DMD: variants seen among roughly 807,000 people sequenced by gnomAD.
DMD encodes the protein dystrophin, also known as mutant dystrophin.
In DMD, 63 loss-of-function variants were observed where a neutral mutation model predicts 330.1. The ratio of observed to expected loss-of-function variants is 0.19; its 90% CI spans 0.16 to 0.24. DMD has a LOEUF of 0.24. DMD is among the 10% of genes least tolerant of loss of function. The pLI is 1.00. For synonymous variants in DMD, 1,223 were observed against 959.8 expected (o/e 1.27, Z -5.07); for missense variants, 3,344 against 2,684.1 (o/e 1.25, Z -5.43).
intron 43 of DMD, among the ~76,000 whole-genome samples, chrX:32,226,633 T>C (rs1463139240): frequency 2.7e-5 from 3 of 111,414 alleles, no homozygotes; most frequent in African/African-American, 9.8e-5. Context: ...CACAAACCCC[T>C]TATATCTTCC....
chrX:31,448,043 C>T (rs1409219957), intron 59 of DMD, among the ~76,000 whole-genome samples: 1 of 106,885 alleles, frequency 9.4e-6, no homozygotes, highest in Non-Finnish European at 1.9e-5. Flanking sequence ...AGAAAAAATG[C>T]CAAATATTCA....
intron 2 of DMD, among the ~76,000 whole-genome samples, chrX:32,950,078 G>T (rs758302503): frequency 6.6e-5 from 7 of 105,946 alleles, no homozygotes; most frequent in Admixed American, 3.1e-4. Flanking sequence ...TAGATTTTTA[G>T]AAACCAGTAT....
chrX:31,443,871 G>T (rs754953421), intron 60 of DMD, among the ~76,000 whole-genome samples: 4 of 111,548 alleles, frequency 3.6e-5, no homozygotes, highest in Admixed American at 9.5e-5. Flanking sequence ...TCTGTTTATC[G>T]TAAGAATACT....
In DMD at chrX:32,603,400, C is replaced by T. The variant is rs189635953; in HGVS notation, c.1483-7524G>A. ...AAATTTATAGCATTAACTGCCTACACCAAAAAGATAGAAAGATCTAAAATT... is the reference window on the plus strand; with the variant it reads ...AAATTTATAGCATTAACTGCCTACATCAAAAAGATAGAAAGATCTAAAATT... On this transcript the variant is annotated intron_variant, in intron 12 of 78. Coordinates refer to ENST00000357033, the MANE Select transcript of DMD (RefSeq NM_004006.3). Among the ~76,000 whole-genome samples, 31 of 110,863 alleles carry T rather than the reference C, an allele frequency of 2.8e-4. No individual in the cohort carries two copies. The East Asian group carries it at 5.9e-3, about 21-fold the overall frequency.
chrX:31,427,953 G>A (rs767659080), intron 60 of DMD, among the ~76,000 whole-genome samples: 1 of 111,977 alleles, frequency 8.9e-6, no homozygotes, highest in African/African-American at 3.2e-5. Context: ...GTCAACAAGA[G>A]AAAGAGAAAG....
At chrX:31,284,696 A>G (rs2147928395) in intron 62 of DMD, among the ~76,000 whole-genome samples, 1 of 107,080 alleles carries the variant, frequency 9.3e-6, no homozygotes, top group African/African-American at 3.5e-5. Flanking sequence ...TCAGCCTCCC[A>G]AAGTGTTCGG....
At chrX:33,209,894 T>C (rs989691984) in intron 1 of DMD, among the ~76,000 whole-genome samples, 6 of 110,349 alleles carry the variant, frequency 5.4e-5, no homozygotes, top group Non-Finnish European at 1.1e-4. Context: ...TATACTTGTA[T>C]ATGATGTTAA....
intron 18 of DMD, among the ~76,000 whole-genome samples, chrX:32,509,852 T>C (rs1367356453): frequency 5.4e-5 from 6 of 111,004 alleles, no homozygotes; most frequent in African/African-American, 2.0e-4. Flanking sequence ...TTTTCCTTTG[T>C]TTAGGCCAAA....
intron 50 of DMD, among the ~76,000 whole-genome samples, chrX:31,778,951 G>T (rs191159319): frequency 1.8e-5 from 2 of 111,432 alleles, no homozygotes; most frequent in Non-Finnish European, 3.8e-5. Context: ...CACATATGCG[G>T]TTCTTTCTTT....
chrX:32,520,437 T>A (rs1372837959), intron 17 of DMD, among the ~76,000 whole-genome samples: 1 of 111,943 alleles, frequency 8.9e-6, no homozygotes, highest in Non-Finnish European at 1.9e-5. Context: ...AAATTTCCTG[T>A]GTCTCTCTAT....
At chrX:32,646,072 T>A (rs934848750) in intron 9 of DMD, among the ~76,000 whole-genome samples, 1 of 111,591 alleles carries the variant, frequency 9.0e-6, no homozygotes, top group Non-Finnish European at 1.9e-5. Flanking sequence ...GCTGGAGCGC[T>A]CTGCGTGGCT....
At chrX:31,723,740 C>T (rs751653367) in intron 52 of DMD, among the ~76,000 whole-genome samples, 1 of 109,375 alleles carries the variant, frequency 9.1e-6, no homozygotes, top group Non-Finnish European at 1.9e-5. Context: ...TCATCAATTC[C>T]TGAAATACCC....
intron 2 of DMD, among the ~76,000 whole-genome samples, chrX:33,013,047 C>T (rs147487050): frequency 5.1e-4 from 56 of 110,631 alleles, no homozygotes; most frequent in African/African-American, 1.8e-3. Flanking sequence ...AACCCCCCTG[C>T]CTGCTTCTCA....
intron 44 of DMD, among the ~76,000 whole-genome samples, chrX:32,021,569 G>A (rs986924361): frequency 1.8e-5 from 2 of 111,782 alleles, no homozygotes; most frequent in Non-Finnish European, 1.9e-5. Flanking sequence ...TGTCCAACAC[G>A]GTAGCCATTA....
chrX:31,863,139 C>A (rs890804837), intron 48 of DMD, among the ~76,000 whole-genome samples: 2 of 112,221 alleles, frequency 1.8e-5, no homozygotes, highest in Non-Finnish European at 3.8e-5. Context: ...GTCAGGAGAT[C>A]GAGACCATCC....
intron 21 of DMD, 72 bp downstream of exon 21, chrX:32,484,847 T>C: frequency 9.5e-7 from 1 of 1,048,624 alleles, no homozygotes; most frequent in East Asian, 3.2e-5. Context: ...TTCATGTTAG[T>C]ACCTTCTGGA....
At chrX:32,050,165 C>A (rs1212434417) in intron 44 of DMD, among the ~76,000 whole-genome samples, 2 of 111,271 alleles carry the variant, frequency 1.8e-5, no homozygotes, top group Non-Finnish European at 3.8e-5. Context: ...TTCATAGACT[C>A]TTGATTTTAT....
chrX:31,574,695 T>C lies in DMD; in HGVS notation c.8217+52978A>G, dbSNP rs915469924. 1.2e-4 allele frequency among the ~76,000 whole-genome samples: 13 copies of C among 111,458 alleles called. 1 individual carries two copies. The stretch of plus-strand genomic sequence containing the variant: ...ACAACTCTACTTTTTTTTCCCTCAT[T>C]TAATTATAACATGGTCTGTTAACTT... On this transcript the variant is annotated intron_variant, in intron 55 of 78. Transcript: ENST00000357033.
intron 44 of DMD, among the ~76,000 whole-genome samples, chrX:32,201,838 A>T (rs756024738): frequency 9.0e-6 from 1 of 111,100 alleles, no homozygotes; most frequent in South Asian, 3.8e-4. Flanking sequence ...CAGTGCAATG[A>T]TACAATTAGA....
Sources: allele counts gnomAD v4.1 joint callset (sites outside exome capture counted in the v4.1 genomes callset), GRCh38; gene constraint gnomAD v4.1.1; transcripts MANE v1.5; gene names NCBI Gene and HGNC (gene_info 2026-07-23, HGNC 2026-07-21).